DNAI4: variants seen among roughly 807,000 people sequenced by gnomAD.
DNAI4 encodes the protein dynein axonemal intermediate chain 4, also known as WD repeat domain 78.
In DNAI4, 85 loss-of-function variants were observed where a neutral mutation model predicts 105.8. The observed-to-expected ratio is 0.80, with a 90% confidence interval of 0.67 to 0.96. The LOEUF is 0.96. Ranked by LOEUF, DNAI4 falls within the 40% of genes least tolerant of loss-of-function variation. The probability of loss-of-function intolerance (pLI) is 0.00; values close to 1 mark genes in which losing one functional copy is unlikely to be tolerated. For synonymous variants in DNAI4, 352 were observed against 331.5 expected, an observed-to-expected ratio of 1.06 and a Z score of -0.67; for missense variants, 1,014 against 1,005.6, an observed-to-expected ratio of 1.01 and a Z score of -0.11.
At chr1:66,889,469 C>CA (rs200469424) in intron 4 of DNAI4, among the ~76,000 whole-genome samples, 7,102 of 151,514 alleles carry the variant, frequency 0.047, 194 homozygotes, top group African/African-American at 0.07. Flanking sequence ...AAAATTAAGC[C>CA]AAAAAAAATC....
At chr1:66,881,025 T>C (rs1396847859) in intron 4 of DNAI4, among the ~76,000 whole-genome samples, 2 of 152,204 alleles carry the variant, frequency 1.3e-5, no homozygotes, top group African/African-American at 4.8e-5. Context: ...GCCCCAAGCC[T>C]TGGCAGCTTC....
At chr1:66,893,124 A>G (rs540779365) in intron 3 of DNAI4, 105 bp downstream of exon 3, 6 of 541,868 alleles carry the variant, frequency 1.1e-5, no homozygotes, top group South Asian at 6.8e-5. Flanking sequence ...AAAGAAAGAA[A>G]CTGGGAGACT....
intron 2 of DNAI4, among the ~76,000 whole-genome samples, chr1:66,898,549 A>C (rs536780557): frequency 7.2e-5 from 11 of 152,208 alleles, no homozygotes; most frequent in Admixed American, 2.0e-4. Flanking sequence ...GTCTGTTATA[A>C]AAGTCAGTTT....
At chr1:66,902,840 C>A (rs896323986) in intron 2 of DNAI4, among the ~76,000 whole-genome samples, 4 of 152,228 alleles carry the variant, frequency 2.6e-5, no homozygotes, top group Non-Finnish European at 5.9e-5. Flanking sequence ...TTTGTCAAAA[C>A]CATTTGACCA....
intron 6 of DNAI4, among the ~76,000 whole-genome samples, chr1:66,862,514 T>A (rs1298657613): frequency 1.3e-5 from 2 of 152,082 alleles, no homozygotes; most frequent in Non-Finnish European, 2.9e-5. Flanking sequence ...CACCTGAGAA[T>A]AAATAGCCAC....
At chr1:66,844,098 A>AAAAT (rs1272917960) in intron 8 of DNAI4, among the ~76,000 whole-genome samples, 1 of 148,908 alleles carries the variant, frequency 6.7e-6, no homozygotes, top group Non-Finnish European at 1.5e-5. Flanking sequence ...AAAAAAAAAA[A>AAAAT]AAAAAAAAAC....
Position 66,893,211 on chromosome 1 carries a change from T to C in DNAI4, c.530+18A>G, listed in dbSNP as rs200659831. On this transcript the variant is annotated intron_variant, in intron 3 of 16. Transcript: ENST00000371026. ...TATATATGATAGAAAAAAGGAACTA[T>C]ATAATAGTATACTCTACCTTGTAAA... 6.4e-6 allele frequency: 9 copies of C among 1,417,186 alleles called. No individual in the cohort carries two copies. The South Asian group carries it at 6.7e-5, about 11-fold the overall frequency. The allele number at this position is 1,417,186 out of a possible 1,614,324, so 87.8% of individuals were successfully genotyped here.
intron 7 of DNAI4, among the ~76,000 whole-genome samples, chr1:66,848,479 C>T (rs79916150): frequency 0.028 from 4,315 of 152,246 alleles, 88 homozygotes; most frequent in Non-Finnish European, 0.041. Flanking sequence ...GGGGTGTGCA[C>T]AAATTTCTGG....
At chr1:66,838,113 T>C (rs1646070143) in intron 9 of DNAI4, among the ~76,000 whole-genome samples, 1 of 152,202 alleles carries the variant, frequency 6.6e-6, no homozygotes, top group African/African-American at 2.4e-5. Flanking sequence ...TTCTGAGTTT[T>C]TGAGGATGAC....
chr1:66,845,954 G>C (rs1242760290), intron 8 of DNAI4, among the ~76,000 whole-genome samples: 2 of 151,500 alleles, frequency 1.3e-5, no homozygotes, highest in African/African-American at 2.4e-5. Context: ...TAGGGTATTG[G>C]TAACTCTGGT....
In DNAI4 at chr1:66,874,057, C is replaced by G. The variant is rs1006513331; in HGVS notation, c.800+724G>C. ...TACTATAAATCCTATTCAAATAATA[C>G]TTTAGGTAAAATAATCAGAATAACT... On this transcript the variant is annotated intron_variant, in intron 5 of 16. Transcript: ENST00000371026. Among the ~76,000 whole-genome samples, 11 of 151,806 alleles carry G rather than the reference C, an allele frequency of 7.2e-5. 2 individuals carry two copies. Among genetic ancestry groups the G allele is most frequent in the Admixed American group, 1.3e-4 (2 of 15,258 alleles).
chr1:66,864,539 T>C (rs1189916716), intron 6 of DNAI4, among the ~76,000 whole-genome samples: 1 of 152,160 alleles, frequency 6.6e-6, no homozygotes, highest in African/African-American at 2.4e-5. Flanking sequence ...GCATCTGCTA[T>C]AAAAGAAAAA....
intron 16 of DNAI4, 62 bp from the exon 17 acceptor site, chr1:66,814,242 C>T: frequency 7.9e-7 from 1 of 1,268,992 alleles, no homozygotes; most frequent in Non-Finnish European, 1.1e-6. Flanking sequence ...GTAAAGTAGT[C>T]TTTAAAATGC....
intron 10 of DNAI4, chr1:66,837,495 A>G (rs972699026): frequency 5.1e-6 from 3 of 583,104 alleles, no homozygotes; most frequent in Non-Finnish European, 8.8e-6. Context: ...TATAGTACAC[A>G]TTCAATAAAT....
At chr1:66,825,241 G>A (rs371699651) in intron 15 of DNAI4, among the ~76,000 whole-genome samples, 6 of 142,194 alleles carry the variant, frequency 4.2e-5, no homozygotes, top group South Asian at 2.3e-4. Context: ...CTGCAGTGGC[G>A]CAATCTCGGC....
intron 8 of DNAI4, among the ~76,000 whole-genome samples, chr1:66,844,988 G>A (rs1646239636): frequency 6.6e-6 from 1 of 151,972 alleles, no homozygotes; most frequent in Admixed American, 6.6e-5. Context: ...GAGGTCAAGA[G>A]TTCGAGACCA....
At chr1:66,848,066 G>A (rs1012204073) in intron 7 of DNAI4, 1 of 384,004 alleles carries the variant, frequency 2.6e-6, no homozygotes, top group Non-Finnish European at 5.0e-6. Flanking sequence ...AAATCACAGT[G>A]GCTTAAAACA....
chr1:66,917,630 T>C (rs1337654052), intron 1 of DNAI4, among the ~76,000 whole-genome samples: 1 of 152,238 alleles, frequency 6.6e-6, no homozygotes, highest in Admixed American at 6.5e-5. Context: ...AACTTTTCTT[T>C]TGAGCTATTG....
chr1:66,842,518 G>A (rs1040692103), intron 8 of DNAI4, among the ~76,000 whole-genome samples: 3 of 152,074 alleles, frequency 2.0e-5, no homozygotes, highest in Non-Finnish European at 4.4e-5. Flanking sequence ...AGCCTAATAA[G>A]TAGCTGGGAC....
Sources: allele counts gnomAD v4.1 joint callset (sites outside exome capture counted in the v4.1 genomes callset), GRCh38; gene constraint gnomAD v4.1.1; transcripts MANE v1.5; gene names NCBI Gene and HGNC (gene_info 2026-07-23, HGNC 2026-07-21).